The following NFU1 variants were observed in gnomAD, a reference collection of about 807,000 sequenced individuals.
NFU1 encodes the protein NFU1 iron-sulfur cluster scaffold homolog, mitochondrial.
In NFU1, 30 loss-of-function variants were observed where a neutral mutation model predicts 32.2. The ratio of observed to expected loss-of-function variants is 0.93; its 90% confidence interval spans 0.70 to 1.26. NFU1 has a LOEUF of 1.26. Among genes scored for constraint, NFU1 ranks in the 50% most tolerant of loss-of-function variants. NFU1 has a pLI of 0.00. For missense variants in NFU1, 306 were observed against 306.6 expected (o/e 1.00, Z 0.02); for synonymous variants, 112 against 104.6 (o/e 1.07, Z -0.43).
intron 1 of NFU1, 127 bp downstream of exon 1, chr2:69,437,234 G>C (rs1673874425): frequency 5.4e-6 from 8 of 1,486,508 alleles, no homozygotes; most frequent in South Asian, 1.3e-5. Flanking sequence ...TACGGCGACA[G>C]GGCGGACCCG....
chr2:69,419,732 T>C, intron 3 of NFU1, 128 bp from the exon 4 acceptor site: 1 of 659,892 alleles, frequency 1.5e-6, no homozygotes, highest in South Asian at 1.8e-5. Flanking sequence ...GATCAACTCA[T>C]GGCCAATTTT....
upstream of NFU1, chr2:69,437,541 C>T (rs372505661): frequency 6.8e-4 from 881 of 1,290,852 alleles, 5 homozygotes; most frequent in African/African-American, 0.011. Context: ...TGCGGGCGGT[C>T]CTGCTGCGGA....
At chr2:69,400,220 A>T in intron 7 of NFU1, 144 bp downstream of exon 7, 2 of 753,636 alleles carry the variant, frequency 2.7e-6, no homozygotes, top group Non-Finnish European at 2.2e-6. Context: ...AAAAATTGCA[A>T]CACAAAAATC....
rs570218669 is a variant in NFU1 at position 69,403,218 on chromosome 2, G to GT, written c.546-2681dup. 2.0e-5 allele frequency among the ~76,000 whole-genome samples: 3 copies of GT among 151,942 alleles called. No individual in the cohort carries two copies. The South Asian group carries it at 6.2e-4, about 32-fold the overall frequency. On this transcript the variant is annotated intron_variant, in intron 6 of 7. Coordinates refer to ENST00000410022, the MANE Select transcript of NFU1 (RefSeq NM_001002755.4). ...TTCTAAGCAGTCTATAGTTGATTTT[G>GT]TTTTTTTGTTTTTTCACATCCAATT...
chr2:69,437,755 C>T (rs963151039), upstream of NFU1: 4 of 458,074 alleles, frequency 8.7e-6, no homozygotes, highest in African/African-American at 7.9e-5. Flanking sequence ...GTTTCCAGCC[C>T]CTAAACCTGA....
upstream of NFU1, among the ~76,000 whole-genome samples, chr2:69,438,248 C>CTTTTTTTT (rs373475726): frequency 6.9e-6 from 1 of 145,648 alleles, no homozygotes. Context: ...TTGTTACTTG[C>CTTTTTTTT]TTTTTTTTTT....
At chr2:69,404,871 C>G (rs1359016831) in intron 6 of NFU1, among the ~76,000 whole-genome samples, 2 of 150,432 alleles carry the variant, frequency 1.3e-5, no homozygotes, top group Non-Finnish European at 3.0e-5. Context: ...CCACCTACCT[C>G]CGCCTCCCAA....
intron 5 of NFU1, among the ~76,000 whole-genome samples, chr2:69,407,034 T>C (rs552696796): frequency 4.6e-5 from 7 of 152,286 alleles, no homozygotes; most frequent in Middle Eastern, 3.4e-3. Flanking sequence ...TCCGCCATGA[T>C]TGTAACTTTC....
intron 2 of NFU1, among the ~76,000 whole-genome samples, chr2:69,431,014 A>C (rs1035917008): frequency 2.0e-5 from 3 of 152,248 alleles, no homozygotes; most frequent in Admixed American, 1.3e-4. Flanking sequence ...CCCTAACTCT[A>C]CATTACAGTC....
In NFU1 at chr2:69,403,501, C is replaced by T. The variant is rs551364197; in HGVS notation, c.545+2521G>A. Among the ~76,000 whole-genome samples, 232 of 152,162 alleles carry T rather than the reference C, an allele frequency of 1.5e-3. 1 individual carries two copies. The highest frequency in any genetic ancestry group is 5.4e-3 in the African/African-American group (223 of 41,514). ...AATCTCCCGGGCTCAAGCAATCTTCCCGCCTCAGGAACAGCTGAGACTACA... is the reference window on the plus strand; with the variant it reads ...AATCTCCCGGGCTCAAGCAATCTTCTCGCCTCAGGAACAGCTGAGACTACA... On this transcript the variant is annotated intron_variant, in intron 6 of 7. Coordinates refer to ENST00000410022, the MANE Select transcript of NFU1 (RefSeq NM_001002755.4).
intron 1 of NFU1, among the ~76,000 whole-genome samples, chr2:69,436,091 T>C (rs1673824550): frequency 6.6e-6 from 1 of 152,140 alleles, no homozygotes; most frequent in African/African-American, 2.4e-5. Flanking sequence ...TGACTGTCAT[T>C]ATTTGTTAAT....
chr2:69,436,527 G>A (rs1048152330), intron 1 of NFU1, among the ~76,000 whole-genome samples: 16 of 152,142 alleles, frequency 1.1e-4, no homozygotes, highest in Non-Finnish European at 2.1e-4. Context: ...TTTTTTTAAA[G>A]TAAGAGTGGA....
chr2:69,412,631 C>A (rs558846638), intron 5 of NFU1, among the ~76,000 whole-genome samples: 1 of 152,066 alleles, frequency 6.6e-6, no homozygotes, highest in Non-Finnish European at 1.5e-5. Flanking sequence ...GTGATCCACC[C>A]GCCTCGGCCT....
chr2:69,435,431 TTCTC>T (rs993860513), intron 1 of NFU1, among the ~76,000 whole-genome samples: 2 of 152,232 alleles, frequency 1.3e-5, no homozygotes, highest in East Asian at 1.9e-4. Flanking sequence ...CCACATTTTT[TTCTC>T]TCTCTCACAA....
upstream of NFU1, among the ~76,000 whole-genome samples, chr2:69,438,270 A>C (rs1489259666): frequency 6.7e-6 from 1 of 149,820 alleles, no homozygotes; most frequent in Admixed American, 6.7e-5. Flanking sequence ...TTCTTTTTCC[A>C]GAGACAGGGT....
intron 5 of NFU1, among the ~76,000 whole-genome samples, chr2:69,409,789 T>C (rs961152944): frequency 3.3e-5 from 5 of 152,146 alleles, no homozygotes; most frequent in African/African-American, 1.2e-4. Context: ...CCTCCGGCTC[T>C]TCGAGAGGGC....
rs541693200 is a variant in NFU1, at chr2:69,429,982, T to C, written c.166+1920A>G. On this transcript the variant is annotated intron_variant, in intron 2 of 7. Transcript: ENST00000410022. ...AGGCGGAGGTTACAGTGAGCCAAGA[T>C]CACATCACTGCACTTTAGCCTGGGC... 2.8e-4 allele frequency: 91 copies of C among 327,626 alleles called. 2 individuals are homozygous for C. Among genetic ancestry groups the C allele is most frequent in the South Asian group, 2.1e-3 (90 of 42,576 alleles). 20.3% of individuals were successfully genotyped at this position (327,626 alleles called of 1,614,324 possible).
chr2:69,404,196 T>C, intron 6 of NFU1, among the ~76,000 whole-genome samples: 2 of 151,250 alleles, frequency 1.3e-5, no homozygotes, highest in South Asian at 4.2e-4. Flanking sequence ...CAACATGATG[T>C]TTTGAAATAT....
chr2:69,397,184 T>C (rs550595018), intron 7 of NFU1, among the ~76,000 whole-genome samples: 2 of 152,282 alleles, frequency 1.3e-5, no homozygotes, highest in African/African-American at 4.8e-5. Flanking sequence ...TGTGAAGCTA[T>C]ACCAAATTGT....
Sources: allele counts gnomAD v4.1 joint callset (sites outside exome capture counted in the v4.1 genomes callset), GRCh38; gene constraint gnomAD v4.1.1; transcripts MANE v1.5; gene names NCBI Gene and HGNC (gene_info 2026-07-23, HGNC 2026-07-21).